The following TTC17 variants were observed in gnomAD, a reference collection of about 807,000 sequenced individuals.
TTC17 encodes the protein tetratricopeptide repeat domain 17.
TTC17 carries 58 observed loss-of-function variants against 143.8 expected under a neutral mutation model. That is an observed-to-expected ratio of 0.40 (90% CI 0.33 to 0.50). TTC17 has a LOEUF of 0.50. Among genes scored for constraint, TTC17 ranks in the 20% least tolerant of loss-of-function variants. The pLI, the probability that TTC17 is intolerant of heterozygous loss-of-function variation, is 0.49. For synonymous variants in TTC17, 501 were observed against 497.8 expected (o/e 1.01, Z -0.09); for missense variants, 1,273 against 1,392.5 (o/e 0.91, Z 1.37).
At chr11:43,464,074 A>G (rs1346438634) in intron 21 of TTC17, among the ~76,000 whole-genome samples, 1 of 152,064 alleles carries the variant, frequency 6.6e-6, no homozygotes, top group Non-Finnish European at 1.5e-5. Flanking sequence ...TCAGGAGTTC[A>G]AGACCAGCCT....
intron 16 of TTC17, among the ~76,000 whole-genome samples, chr11:43,432,013 A>G (rs1293414491): frequency 1.3e-5 from 2 of 152,210 alleles, no homozygotes; most frequent in African/African-American, 2.4e-5. Context: ...AAGTTACCCA[A>G]CCAGGAATCT....
At chr11:43,485,883 G>GTTTTTTT (rs751026290) in intron 21 of TTC17, among the ~76,000 whole-genome samples, 168 of 112,436 alleles carry the variant, frequency 1.5e-3, no homozygotes, top group East Asian at 3.6e-3. Flanking sequence ...TTGGTTTTTT[G>GTTTTTTT]TTTTTTTTTT....
At position 43,443,503 on chromosome 11, in the gene TTC17, G is replaced by T; in HGVS notation, c.2430G>T (p.Leu810=). 6.2e-7 allele frequency: 1 copy of T among 1,614,174 alleles called. No homozygotes were observed. Among genetic ancestry groups the T allele is most frequent in the African/African-American group, 1.3e-5 (1 of 75,056 alleles). The part of the protein sequence containing the change: ...RRLDLQGIRV[L]KKGPQDGVAR... The stretch of plus-strand genomic sequence containing the variant: ...TAGACTTACAAGGAATACGGGTGCT[G>T]AAGAAAGGTCCCCAGGATGGAGTGG... The change falls in exon 17 of 24, where the codon CTG becomes CTT. Residue 810 remains leucine (L), a synonymous_variant. Transcript: ENST00000039989.
chr11:43,474,812 T>A (rs559225396), intron 21 of TTC17, among the ~76,000 whole-genome samples: 1 of 152,256 alleles, frequency 6.6e-6, no homozygotes, highest in Admixed American at 6.5e-5. Context: ...ATATGTATTT[T>A]ATATTGTATT....
intron 21 of TTC17, among the ~76,000 whole-genome samples, chr11:43,483,880 G>A (rs188638772): frequency 1.2e-4 from 19 of 152,250 alleles, no homozygotes; most frequent in Admixed American, 5.9e-4. Context: ...AGTGGCTCAC[G>A]CCTGTAATCC....
chr11:43,439,053 G>A (rs1423918623), intron 16 of TTC17, among the ~76,000 whole-genome samples: 8 of 152,210 alleles, frequency 5.3e-5, no homozygotes, highest in Non-Finnish European at 1.0e-4. Flanking sequence ...TCCCTTAGGC[G>A]TTGAAGATGG....
At chr11:43,448,425 G>C (rs721700) in intron 19 of TTC17, among the ~76,000 whole-genome samples, 15,089 of 152,160 alleles carry the variant, frequency 0.099, 2,536 homozygotes, top group African/African-American at 0.34. Flanking sequence ...CCCATGGTTT[G>C]TCATGAATAT....
At chr11:43,478,722 C>T (rs934799352) in intron 21 of TTC17, among the ~76,000 whole-genome samples, 1 of 152,144 alleles carries the variant, frequency 6.6e-6, no homozygotes, top group Non-Finnish European at 1.5e-5. Context: ...ATTCTCCTGC[C>T]TCATCCTCCC....
chr11:43,449,808 C>T, intron 19 of TTC17: 1 of 372,964 alleles, frequency 2.7e-6, no homozygotes, highest in Non-Finnish European at 4.9e-6. Context: ...ACTGTCTAAG[C>T]TTTAGGTAAC....
intron 1 of TTC17, among the ~76,000 whole-genome samples, chr11:43,366,591 A>G (rs540818991): frequency 1.3e-5 from 2 of 152,302 alleles, no homozygotes; most frequent in African/African-American, 4.8e-5. Context: ...AATATTTAAT[A>G]AAGTGAAATC....
At chr11:43,456,559 C>G (rs1947767721) in intron 21 of TTC17, among the ~76,000 whole-genome samples, 1 of 152,140 alleles carries the variant, frequency 6.6e-6, no homozygotes, top group Admixed American at 6.5e-5. Context: ...CTTCTAAAAT[C>G]ATGTTTTTAA....
intron 21 of TTC17, among the ~76,000 whole-genome samples, chr11:43,488,209 A>G (rs1050602407): frequency 6.6e-6 from 1 of 152,172 alleles, no homozygotes; most frequent in African/African-American, 2.4e-5. Context: ...ATTCAGCTGT[A>G]AAACCAATAC....
At chr11:43,366,363 G>A (rs1022494239) in intron 1 of TTC17, among the ~76,000 whole-genome samples, 4 of 151,780 alleles carry the variant, frequency 2.6e-5, no homozygotes, top group Admixed American at 6.6e-5. Context: ...AAAATTAGCC[G>A]GGCATGGTGG....
At chr11:43,488,597 TCTTTTA>T (rs1362519484) in intron 21 of TTC17, among the ~76,000 whole-genome samples, 1 of 152,106 alleles carries the variant, frequency 6.6e-6, no homozygotes, top group Admixed American at 6.6e-5. Flanking sequence ...TGGAGCCATA[TCTTTTA>T]CTTTACAGCA....
chr11:43,479,319 A>G (rs550777476), intron 21 of TTC17, among the ~76,000 whole-genome samples: 43 of 152,342 alleles, frequency 2.8e-4, no homozygotes, highest in African/African-American at 9.6e-4. Flanking sequence ...TGATGTGATT[A>G]CAAAGATGAG....
intron 1 of TTC17, among the ~76,000 whole-genome samples, chr11:43,360,776 G>A (rs527341543): frequency 2.9e-4 from 44 of 151,958 alleles, no homozygotes; most frequent in African/African-American, 1.0e-3. Context: ...AATGGGGGAA[G>A]GCAGGGGTTA....
intron 21 of TTC17, among the ~76,000 whole-genome samples, chr11:43,471,971 G>A (rs1343486899): frequency 1.3e-5 from 2 of 152,196 alleles, no homozygotes; most frequent in Admixed American, 6.5e-5. Context: ...AGGTACTGGA[G>A]TACTGACATT....
chr11:43,471,444 C>A (rs925811855), intron 21 of TTC17, among the ~76,000 whole-genome samples: 1 of 152,194 alleles, frequency 6.6e-6, no homozygotes, highest in African/African-American at 2.4e-5. Flanking sequence ...ACCCCCAGCC[C>A]GTCATCAATG....
intron 16 of TTC17, among the ~76,000 whole-genome samples, chr11:43,420,574 T>C (rs527635227): frequency 6.6e-6 from 1 of 152,214 alleles, no homozygotes; most frequent in Non-Finnish European, 1.5e-5. Context: ...CCTGTACTTT[T>C]GTAGTATTAG....
Sources: allele counts gnomAD v4.1 joint callset (sites outside exome capture counted in the v4.1 genomes callset), GRCh38; gene constraint gnomAD v4.1.1; transcripts MANE v1.5; gene names NCBI Gene and HGNC (gene_info 2026-07-23, HGNC 2026-07-21).